The following RBFOX1 variants were observed in gnomAD, a reference collection of about 807,000 sequenced individuals.
RBFOX1 encodes RNA binding fox-1 homolog 1.
RBFOX1 carries 8 observed loss-of-function variants against 57.7 expected under a neutral mutation model. The observed-to-expected ratio is 0.14, with a 90% CI of 0.08 to 0.25. The LOEUF (loss-of-function observed/expected upper bound fraction) is 0.25. Among genes scored for constraint, RBFOX1 ranks in the 10% least tolerant of loss-of-function variants. The pLI, the probability that RBFOX1 is intolerant of heterozygous loss-of-function variation, is 1.00. For synonymous variants in RBFOX1, 326 were observed against 222.4 expected, an observed-to-expected ratio of 1.47 and a Z score of -4.15; for missense variants, 611 against 548.5, an observed-to-expected ratio of 1.11 and a Z score of -1.14.
chr16:6,489,714 A>G (rs2095587774), intron 2 of RBFOX1, among the ~76,000 whole-genome samples: 1 of 152,188 alleles, frequency 6.6e-6, no homozygotes, highest in Non-Finnish European at 1.5e-5. Context: ...AGCATGAGTG[A>G]TAATGCTCAC....
At chr16:7,057,003 G>C (rs953632782) in intron 4 of RBFOX1, among the ~76,000 whole-genome samples, 6 of 149,902 alleles carry the variant, frequency 4.0e-5, no homozygotes, top group Non-Finnish European at 8.8e-5. Context: ...ATTGGTGACT[G>C]GATAAAACAA....
At chr16:6,895,448 G>GTGTGTGTGTGTGTATATA (rs869028735) in intron 3 of RBFOX1, among the ~76,000 whole-genome samples, 3 of 54,632 alleles carry the variant, frequency 5.5e-5, no homozygotes, top group African/African-American at 2.6e-4. Flanking sequence ...GTGTGTGTGT[G>GTGTGTGTGTGTGTATATA]TATATATATA....
intron 3 of RBFOX1, among the ~76,000 whole-genome samples, chr16:5,817,540 G>A (rs1229708283): frequency 6.6e-6 from 1 of 152,148 alleles, no homozygotes; most frequent in Non-Finnish European, 1.5e-5. Context: ...GAGAAAGTCT[G>A]ACTAATGTTT....
intron 3 of RBFOX1, among the ~76,000 whole-genome samples, chr16:6,996,475 C>A (rs2092257180): frequency 6.6e-6 from 1 of 152,102 alleles, no homozygotes; most frequent in South Asian, 2.1e-4. Flanking sequence ...ATATATCCAT[C>A]CTCCTATCTG....
intron 7 of RBFOX1, among the ~76,000 whole-genome samples, chr16:7,592,653 A>G (rs182559064): frequency 5.9e-5 from 9 of 152,244 alleles, no homozygotes; most frequent in Admixed American, 2.0e-4. Flanking sequence ...TGGCATGGCT[A>G]TGGTTGCTAG....
At chr16:7,105,174 C>T (rs923686870) in intron 4 of RBFOX1, among the ~76,000 whole-genome samples, 2 of 152,102 alleles carry the variant, frequency 1.3e-5, no homozygotes, top group African/African-American at 4.8e-5. Context: ...TAGGCCCATC[C>T]ATTAACCAGT....
At chr16:5,735,127 C>G (rs1411538550) in intron 3 of RBFOX1, among the ~76,000 whole-genome samples, 2 of 152,256 alleles carry the variant, frequency 1.3e-5, no homozygotes, top group African/African-American at 2.4e-5. Context: ...CGTTTCTGTG[C>G]CTGAACTGTC....
intron 2 of RBFOX1, among the ~76,000 whole-genome samples, chr16:5,474,728 G>A (rs984384579): frequency 6.6e-6 from 1 of 152,042 alleles, no homozygotes; most frequent in Non-Finnish European, 1.5e-5. Flanking sequence ...TATTTTATAA[G>A]CATGGGGTAG....
At chr16:5,388,678 G>C (rs1290620012) in intron 1 of RBFOX1, among the ~76,000 whole-genome samples, 4 of 151,992 alleles carry the variant, frequency 2.6e-5, no homozygotes, top group African/African-American at 9.7e-5. Flanking sequence ...CCGGGTTCAA[G>C]CGATTTTCCT....
At chr16:6,962,471 C>T (rs9788934) in intron 3 of RBFOX1, among the ~76,000 whole-genome samples, 92,954 of 151,926 alleles carry the variant, frequency 0.61, 28,553 homozygotes, top group Non-Finnish European at 0.63. Context: ...ATAAAGCAGC[C>T]TGGTTTAATA....
Position 7,660,533 on chromosome 16 carries a change from G to C in RBFOX1, c.891-4396G>C, listed in dbSNP as rs1270847192. 2.0e-5 allele frequency among the ~76,000 whole-genome samples: 3 copies of C among 152,202 alleles called. No individual in the cohort carries two copies. In the East Asian group the frequency reaches 5.8e-4, roughly 29 times the overall value. On this transcript the variant is annotated intron_variant, in intron 12 of 15. Transcript: ENST00000550418. Reference sequence around the variant, plus strand: ...TATTTGGATACATTTTTGGAAACTAGCATGAGGCTTTGTGATGAGAACTTT... The same window carrying C: ...TATTTGGATACATTTTTGGAAACTACCATGAGGCTTTGTGATGAGAACTTT...
Position 6,525,358 on chromosome 16 carries a change from T to A in RBFOX1, c.-63-129245T>A, listed in dbSNP as rs144910279. Among the ~76,000 whole-genome samples the A allele has an allele frequency of 2.8e-4, 43 of 152,224 alleles. No homozygotes were observed. In the East Asian group the frequency reaches 7.6e-3, roughly 27 times the overall value. ...ATGAATTTGGGCTGGTGTAGTTGAG[T>A]ACACTTCTCCTGAGCAAGAGCGTGA... On this transcript the variant is annotated intron_variant, in intron 2 of 15. Transcript: ENST00000550418.
intron 3 of RBFOX1, among the ~76,000 whole-genome samples, chr16:6,859,111 GTATATA>G (rs796794349): frequency 0.012 from 783 of 64,814 alleles, 14 homozygotes; most frequent in Non-Finnish European, 0.016. Context: ...TAAAAAAAGT[GTATATA>G]TATATATATA....
chr16:6,426,036 A>AG (rs2093916304), intron 2 of RBFOX1, among the ~76,000 whole-genome samples: 1 of 150,144 alleles, frequency 6.7e-6, no homozygotes, highest in Non-Finnish European at 1.5e-5. Flanking sequence ...TTGGCATTTT[A>AG]CTTTCTATTG....
chr16:6,028,795 C>T (rs1488573850), intron 1 of RBFOX1, among the ~76,000 whole-genome samples: 1 of 152,152 alleles, frequency 6.6e-6, no homozygotes, highest in East Asian at 1.9e-4. Flanking sequence ...GTCTTGCCTT[C>T]AAGGTGATAA....
intron 3 of RBFOX1, among the ~76,000 whole-genome samples, chr16:6,916,518 C>T (rs2073199979): frequency 6.6e-6 from 1 of 151,530 alleles, no homozygotes; most frequent in Admixed American, 6.6e-5. Context: ...ATTCTACGAC[C>T]ATCTCCAGGA....
At chr16:5,805,353 C>A (rs2055191723) in intron 3 of RBFOX1, among the ~76,000 whole-genome samples, 1 of 152,142 alleles carries the variant, frequency 6.6e-6, no homozygotes. Context: ...TCCATAAGTT[C>A]AAAATTCTAT....
intron 4 of RBFOX1, among the ~76,000 whole-genome samples, chr16:5,883,173 T>G (rs1164717977): frequency 2.6e-5 from 4 of 152,144 alleles, no homozygotes. Context: ...CATCTCAGCT[T>G]CACTTTAATA....
chr16:7,086,140 G>A (rs989890740), intron 4 of RBFOX1, among the ~76,000 whole-genome samples: 4 of 152,064 alleles, frequency 2.6e-5, no homozygotes, highest in Non-Finnish European at 5.9e-5. Flanking sequence ...ACTACCTATA[G>A]GCTATTTTAA....
Sources: allele counts gnomAD v4.1 joint callset (sites outside exome capture counted in the v4.1 genomes callset), GRCh38; gene constraint gnomAD v4.1.1; transcripts MANE v1.5; gene names NCBI Gene and HGNC (gene_info 2026-07-23, HGNC 2026-07-21).